RYR2: variants seen among roughly 807,000 people sequenced by gnomAD.
The protein encoded by RYR2 is cardiac muscle ryanodine receptor-calcium release channel.
A neutral mutation model predicts 601.1 loss-of-function variants in RYR2; 227 were observed. That is an observed-to-expected ratio of 0.38 (90% CI 0.34 to 0.42). RYR2 has a LOEUF of 0.42. Among genes scored for constraint, RYR2 ranks in the 10% least tolerant of loss-of-function variants. RYR2 has a pLI of 1.00. For missense variants in RYR2, 4,646 were observed against 6,156.5 expected, an observed-to-expected ratio of 0.75 and a Z score of 8.21; for synonymous variants, 2,223 against 2,175.1, an observed-to-expected ratio of 1.02 and a Z score of -0.61.
chr1:237,235,550 A>G (rs1167303284), intron 1 of RYR2, among the ~76,000 whole-genome samples: 1 of 152,230 alleles, frequency 6.6e-6, no homozygotes, highest in Non-Finnish European at 1.5e-5. Flanking sequence ...CGTCACTGGC[A>G]AGCACAGTTG....
At chr1:237,380,518 A>G (rs1441045102) in intron 8 of RYR2, among the ~76,000 whole-genome samples, 10 of 148,472 alleles carry the variant, frequency 6.7e-5, no homozygotes, top group African/African-American at 2.2e-4. Flanking sequence ...ATAATAAAGA[A>G]CTTAACTCAT....
chr1:237,687,077 G>A (rs1686459376), intron 62 of RYR2, among the ~76,000 whole-genome samples: 1 of 152,048 alleles, frequency 6.6e-6, no homozygotes, highest in Admixed American at 6.6e-5. Flanking sequence ...AGTTTCAGTG[G>A]TACATTTGGG....
chr1:237,283,109 G>A (rs1691072269), intron 2 of RYR2, among the ~76,000 whole-genome samples: 5 of 152,100 alleles, frequency 3.3e-5, no homozygotes. Context: ...CGCTCTTCCT[G>A]GAAGACCCTT....
intron 40 of RYR2, among the ~76,000 whole-genome samples, chr1:237,626,503 A>G (rs1183060262): frequency 6.6e-6 from 1 of 151,268 alleles, no homozygotes; most frequent in Non-Finnish European, 1.5e-5. Flanking sequence ...TTTCAGTGTC[A>G]CAATCACAAA....
At chr1:237,150,601 C>T (rs946294264) in intron 1 of RYR2, among the ~76,000 whole-genome samples, 1 of 152,122 alleles carries the variant, frequency 6.6e-6, no homozygotes, top group Non-Finnish European at 1.5e-5. Context: ...ATAGCATAGT[C>T]TGTACAAACA....
rs1689346476 is a variant in RYR2, at chr1:237,717,297, C to T, written c.10423C>T (p.Pro3475Ser). 1.2e-6 allele frequency: 2 copies of T among 1,613,118 alleles called. No individual in the cohort carries two copies. Among genetic ancestry groups the T allele is most frequent in the East Asian group, 2.2e-5 (1 of 44,840 alleles). Residue 3475 changes from proline to serine, a missense_variant, in exon 72 of 105, where the codon CCC (proline) becomes TCC (serine). Physicochemically the swap from Pro to Ser is moderately conservative, Grantham distance 74 (BLOSUM62 -1). This residue lies in a region of RYR2 where 1,497 missense variants were observed against 1,842.6 expected (regional missense o/e 0.81). Coordinates refer to ENST00000366574, the MANE Select transcript of RYR2 (RefSeq NM_001035.3). ...LIVAALKRLL[P>S]IGLNICAPGD... ...TGTAGCAGCTCTGAAGCGGTTACTG[C>T]CCATTGGGTTGAACATCTGTGCCCC...
intron 24 of RYR2, among the ~76,000 whole-genome samples, chr1:237,529,322 G>A (rs1161057415): frequency 2.0e-5 from 3 of 152,042 alleles, no homozygotes; most frequent in African/African-American, 7.2e-5. Context: ...ACGCTAGAAA[G>A]ATAATTTCAT....
At position 237,801,634 on chromosome 1, in the gene RYR2, A is replaced by G. The variant is rs7543732; in HGVS notation, c.14091-222A>G. 0.59 allele frequency among the ~76,000 whole-genome samples: 89,104 copies of G among 151,858 alleles called. 26,437 individuals carry two copies. The highest frequency in any genetic ancestry group is 0.63 in the Admixed American group (9,697 of 15,274). Reference sequence around the variant, plus strand: ...TAAATAACATAAGACGAAGGTGATGATGTTTTGTTTTCCAAGATCCTCTAA... The same window carrying G: ...TAAATAACATAAGACGAAGGTGATGGTGTTTTGTTTTCCAAGATCCTCTAA... On this transcript the variant is annotated intron_variant, in intron 97 of 104. Transcript: ENST00000366574.
intron 57 of RYR2, among the ~76,000 whole-genome samples, chr1:237,667,007 A>G (rs910938501): frequency 9.2e-5 from 14 of 152,214 alleles, no homozygotes; most frequent in African/African-American, 3.4e-4. Flanking sequence ...TATGTTAAAT[A>G]GTTGTGTGTG....
chr1:237,832,726 C>T lies in RYR2; in HGVS notation c.*79C>T, dbSNP rs886046282. The T allele has an allele frequency of 1.3e-6, 1 of 795,830 alleles. No homozygotes were observed. The highest frequency in any genetic ancestry group is 1.7e-5 in the African/African-American group (1 of 57,572). The allele number at this position is 795,830 out of a possible 1,614,324, so 49.3% of individuals were successfully genotyped here. A position where few individuals can be genotyped will look rare whatever the true frequency, so the allele number is the denominator to read the frequency against. On this transcript the variant is annotated 3_prime_UTR_variant, in exon 105 of 105. Transcript: ENST00000366574. The stretch of plus-strand genomic sequence containing the variant: ...CTCAATTTCTCTGCTCTCTTGGAAA[C>T]ATTTTGCTGATTTTGTGAATTGCCA...
In RYR2 at chr1:237,590,957, T is replaced by C. The variant is rs397516529; in HGVS notation, c.4125T>C (p.Asp1375=). The C allele has an allele frequency of 1.2e-6, 2 of 1,613,204 alleles. No individual in the cohort carries two copies. Among genetic ancestry groups the C allele is most frequent in the Non-Finnish European group, 1.7e-6 (2 of 1,179,464 alleles). ...ATKPEFNNHK[D]YAQEKPSRLK... ...AACCAGAGTTTAACAACCACAAAGA[T>C]TATGCCCAGGAAAAGCCCTCTCGTC... The change falls in exon 31 of 105, where the codon GAT becomes GAC. Residue 1375 remains aspartate, a synonymous_variant. Transcript: ENST00000366574.
At position 237,640,993 on chromosome 1, in the gene RYR2, T is replaced by G. The variant is rs377714735; in HGVS notation, c.7212T>G (p.Pro2404=). 4.3e-6 allele frequency: 7 copies of G among 1,609,610 alleles called. No individual in the cohort carries two copies. Among genetic ancestry groups the G allele is most frequent in the Non-Finnish European group, 5.9e-6 (7 of 1,177,264 alleles). ...ALIDLLGRCA[P]EMHLIHAGKG... ...TTGACCTCTTGGGACGCTGTGCTCC[T>G]GAGATGCATGTGAGTTTCTGGGAGT... The change falls in exon 47 of 105, where the codon CCT becomes CCG. Residue 2404 remains proline (P), a synonymous_variant. Transcript: ENST00000366574.
intron 38 of RYR2, among the ~76,000 whole-genome samples, chr1:237,622,588 G>A (rs1038547003): frequency 6.6e-6 from 1 of 152,096 alleles, no homozygotes; most frequent in Non-Finnish European, 1.5e-5. Flanking sequence ...TGTGGGTTCT[G>A]CATCTATGGA....
intron 35 of RYR2, among the ~76,000 whole-genome samples, chr1:237,609,871 A>T (rs899998299): frequency 1.3e-5 from 2 of 152,176 alleles, no homozygotes; most frequent in Non-Finnish European, 2.9e-5. Context: ...TGGAAGCTAT[A>T]TGAGGGCAGG....
At chr1:237,723,306 A>G (rs1481282935) in intron 74 of RYR2, 44 bp downstream of exon 74, 1 of 1,531,642 alleles carries the variant, frequency 6.5e-7, no homozygotes, top group East Asian at 2.3e-5. Context: ...TTAGCCACAT[A>G]CAAATATTTT....
chr1:237,746,499 A>T (rs1692090365), intron 80 of RYR2, among the ~76,000 whole-genome samples: 1 of 152,156 alleles, frequency 6.6e-6, no homozygotes, highest in African/African-American at 2.4e-5. Context: ...AAACAAGGAA[A>T]GAGGAATGAT....
At chr1:237,358,080 C>G (rs1699453706) in intron 4 of RYR2, among the ~76,000 whole-genome samples, 1 of 152,118 alleles carries the variant, frequency 6.6e-6, no homozygotes, top group Non-Finnish European at 1.5e-5. Context: ...TAATTTAACC[C>G]TCTACCCACC....
At chr1:237,335,734 C>T (rs1697186017) in intron 3 of RYR2, among the ~76,000 whole-genome samples, 1 of 152,118 alleles carries the variant, frequency 6.6e-6, no homozygotes. Flanking sequence ...TTGCTCCTTA[C>T]ATCGTGCTCT....
At chr1:237,444,637 G>A (rs1270966699) in intron 13 of RYR2, among the ~76,000 whole-genome samples, 1 of 152,154 alleles carries the variant, frequency 6.6e-6, no homozygotes, top group African/African-American at 2.4e-5. Flanking sequence ...GATAGGGATA[G>A]GAAGAGAGCA....
Sources: gnomAD v4.1 joint callset for allele counts (sites outside exome capture counted in the v4.1 genomes callset) on GRCh38, gnomAD v4.1.1 for gene constraint, gnomAD v4.1.1 regional missense constraint, MANE v1.5 for transcripts, NCBI Gene and HGNC (gene_info 2026-07-23, HGNC 2026-07-21) for gene names.